EIF3F: variants seen among roughly 807,000 people sequenced by gnomAD.
EIF3F encodes deubiquitinating enzyme eIF3f.
EIF3F carries 8 observed loss-of-function variants against 36.0 expected under a neutral mutation model. The ratio of observed to expected loss-of-function variants is 0.22; its 90% CI spans 0.13 to 0.40. EIF3F has a LOEUF of 0.40. Among genes scored for constraint, EIF3F ranks in the 10% least tolerant of loss-of-function variants. EIF3F has a pLI of 1.00. For missense variants in EIF3F, 430 were observed against 467.6 expected, an observed-to-expected ratio of 0.92 and a Z score of 0.74; for synonymous variants, 184 against 188.5, an observed-to-expected ratio of 0.98 and a Z score of 0.19.
At chr11:7,987,991 G>T in intron 1 of EIF3F, 1 of 356,274 alleles carries the variant, frequency 2.8e-6, no homozygotes. Flanking sequence ...TTTTATGCCA[G>T]TGGTTTACAT....
intron 1 of EIF3F, 181 bp downstream of exon 1, chr11:7,987,897 C>G: frequency 1.1e-6 from 1 of 887,452 alleles, no homozygotes; most frequent in Non-Finnish European, 1.5e-6. Flanking sequence ...CAAGCACTTG[C>G]ATCTCTCCTC....
intron 1 of EIF3F, 53 bp downstream of exon 1, chr11:7,987,769 T>C: frequency 6.9e-7 from 1 of 1,441,348 alleles, no homozygotes; most frequent in Non-Finnish European, 9.1e-7. Context: ...TTCTCATTTA[T>C]CTCACTCCCC....
chr11:7,987,877 C>T (rs1276893298), intron 1 of EIF3F, 161 bp downstream of exon 1: 7 of 1,099,064 alleles, frequency 6.4e-6, no homozygotes, highest in South Asian at 3.0e-5. Flanking sequence ...TTTGCTGTGA[C>T]TTATCTTCTC....
chr11:7,989,442 C>T (rs1942065740), intron 1 of EIF3F, among the ~76,000 whole-genome samples: 1 of 152,138 alleles, frequency 6.6e-6, no homozygotes, highest in Non-Finnish European at 1.5e-5. Context: ...GTTATAGAGG[C>T]AATACTTACA....
In EIF3F at chr11:8,000,466, C is replaced by T. The variant is rs896589189; in HGVS notation, c.*4444C>T. ...TTCAGTTAAACAGGAGTAGTACGTTCCGGAGACCTGTTGTGCAGCAGGGTG... is the reference window on the plus strand; with the variant it reads ...TTCAGTTAAACAGGAGTAGTACGTTTCGGAGACCTGTTGTGCAGCAGGGTG... On this transcript the variant is annotated 3_prime_UTR_variant, in exon 8 of 8. Coordinates refer to ENST00000651655, the MANE Select transcript of EIF3F (RefSeq NM_003754.3). 5 of 152,054 alleles carry T rather than the reference C, an allele frequency of 3.3e-5. No homozygotes were observed. Among genetic ancestry groups the T allele is most frequent in the South Asian group, 2.1e-4 (1 of 4,820 alleles). The allele number at this position is 152,054 out of a possible 1,614,324, so 9.4% of individuals were successfully genotyped here. A position where few individuals can be genotyped will look rare whatever the true frequency, so the allele number is the denominator to read the frequency against.
chr11:7,991,913 C>T (rs1435698499), intron 2 of EIF3F, 62 bp downstream of exon 2: 1 of 1,582,410 alleles, frequency 6.3e-7, no homozygotes, highest in East Asian at 2.2e-5. Flanking sequence ...CGGCTCCCCT[C>T]ACGGTCCCTC....
chr11:7,995,035 A>C lies in EIF3F; in HGVS notation c.799A>C (p.Ser267Arg). Residue 267 changes from serine (S) to arginine (R), a missense_variant, in exon 6 of 8, where the codon AGT becomes CGT. This residue lies in a region of EIF3F where 262 missense variants were observed against 347.4 expected (regional missense o/e 0.75). Transcript: ENST00000651655. ...FSPNRVIGLS[S>R]DLQQVGGASA... ...CCCCAACAGAGTGATTGGACTCTCA[A>C]GTGACTTGCAGCAAGTAGGAGGGGC... 1 of 1,613,932 alleles carries C rather than the reference A, an allele frequency of 6.2e-7. No homozygotes were observed. Among genetic ancestry groups the C allele is most frequent in the Non-Finnish European group, 8.5e-7 (1 of 1,179,886 alleles).
chr11:7,995,144 G>T (rs202081105), intron 6 of EIF3F, 26 bp downstream of exon 6: 4 of 1,612,392 alleles, frequency 2.5e-6, no homozygotes, highest in East Asian at 2.2e-5. Context: ...AAAAACAAAG[G>T]GGGAGGACAT....
chr11:7,992,365 A>G (rs748365411), intron 3 of EIF3F: 26 of 597,416 alleles, frequency 4.4e-5, no homozygotes, highest in Non-Finnish European at 7.0e-5. Flanking sequence ...CCAGTAGTTC[A>G]AGATCAGCCT....
chr11:7,991,692 AAGAGAT>A, intron 1 of EIF3F, 83 bp from the exon 2 acceptor site: 1 of 1,255,272 alleles, frequency 8.0e-7, no homozygotes, highest in Non-Finnish European at 1.2e-6. Flanking sequence ...ATTGACATTG[AAGAGAT>A]CATCAAAAGC....
chr11:7,994,113 A>G lies in EIF3F; in HGVS notation c.654-313A>G, dbSNP rs904821487. Among the ~76,000 whole-genome samples the G allele has an allele frequency of 3.3e-5, 5 of 152,262 alleles. No homozygotes were observed. In the East Asian group the frequency reaches 9.7e-4, roughly 29 times the overall value. On this transcript the variant is annotated intron_variant, in intron 4 of 7. Coordinates refer to ENST00000651655, the MANE Select transcript of EIF3F (RefSeq NM_003754.3). ...TCCTTTCCATGGTAGGTAGCTGTCT[A>G]GACAGCCAGCTCTACGGGGTAATTG...
rs1187164117 is a variant in EIF3F at position 8,000,723 on chromosome 11, A to T, written c.*4701A>T. ...AGCAAGTAAAGATAGATTACTTAAGAGCGAATGAGTGGTAATTTGGAAACA... is the reference window on the plus strand; with the variant it reads ...AGCAAGTAAAGATAGATTACTTAAGTGCGAATGAGTGGTAATTTGGAAACA... On this transcript the variant is annotated 3_prime_UTR_variant, in exon 8 of 8. Transcript: ENST00000651655. 1 of 152,188 alleles carries T rather than the reference A, an allele frequency of 6.6e-6. No homozygotes were observed. Among genetic ancestry groups the T allele is most frequent in the Non-Finnish European group, 1.5e-5 (1 of 68,030 alleles). 9.4% of individuals were successfully genotyped at this position (152,188 alleles called of 1,614,324 possible). A position where few individuals can be genotyped will look rare whatever the true frequency, so the allele number is the denominator to read the frequency against.
In EIF3F at chr11:7,999,644, A is replaced by G. The variant is rs1258714460; in HGVS notation, c.*3622A>G. On this transcript the variant is annotated 3_prime_UTR_variant, in exon 8 of 8. Coordinates refer to ENST00000651655, the MANE Select transcript of EIF3F (RefSeq NM_003754.3). ...CTGGTCCATAAAAGAACATAAAACCAAATAGTTCAGTAGACTCAAAATGCA... is the reference window on the plus strand; with the variant it reads ...CTGGTCCATAAAAGAACATAAAACCGAATAGTTCAGTAGACTCAAAATGCA... 2 of 151,920 alleles carry G rather than the reference A, an allele frequency of 1.3e-5. No individual in the cohort carries two copies. The allele number at this position is 151,920 out of a possible 1,614,324, so 9.4% of individuals were successfully genotyped here.
chr11:7,993,429 A>T (rs1052688172), intron 4 of EIF3F, among the ~76,000 whole-genome samples: 1 of 152,214 alleles, frequency 6.6e-6, no homozygotes, highest in Non-Finnish European at 1.5e-5. Flanking sequence ...GGTAATACAG[A>T]TTATAAGGAT....
Position 7,997,985 on chromosome 11 carries a change from T to C in EIF3F, c.*1963T>C, listed in dbSNP as rs1022763682. 4.6e-5 allele frequency: 7 copies of C among 152,252 alleles called. No individual in the cohort carries two copies. The highest frequency in any genetic ancestry group is 1.7e-4 in the African/African-American group (7 of 41,474). 9.4% of individuals were successfully genotyped at this position (152,252 alleles called of 1,614,324 possible). A position where few individuals can be genotyped will look rare whatever the true frequency, so the allele number is the denominator to read the frequency against. Reference sequence around the variant, plus strand: ...AGTATATGAGAAGGTATGCACAGGTTATATCCAAATACTTCATATTAGGGA... The same window carrying C: ...AGTATATGAGAAGGTATGCACAGGTCATATCCAAATACTTCATATTAGGGA... On this transcript the variant is annotated 3_prime_UTR_variant, in exon 8 of 8. Coordinates refer to ENST00000651655, the MANE Select transcript of EIF3F (RefSeq NM_003754.3).
intron 1 of EIF3F, 112 bp downstream of exon 1, chr11:7,987,828 A>G (rs1942045379): frequency 7.4e-7 from 1 of 1,358,072 alleles, no homozygotes; most frequent in Admixed American, 3.6e-5. Flanking sequence ...CTTTCCTCCC[A>G]TCCCCAATGA....
chr11:7,996,254 G>GGTAGA lies in EIF3F; in HGVS notation c.*234_*238dup. ...CAGAAACTAGGAAGTGAATATTGTA[G>GGTAGA]GTAGAGAAGTTGGTTATGTGTTTGG... is the stretch of plus-strand genomic sequence containing the variant. On this transcript the variant is annotated 3_prime_UTR_variant, in exon 8 of 8. Coordinates refer to ENST00000651655, the MANE Select transcript of EIF3F (RefSeq NM_003754.3). The GGTAGA allele has an allele frequency of 6.6e-6, 3 of 452,172 alleles. No homozygotes were observed. The South Asian group carries it at 1.1e-4, about 17-fold the overall frequency. 28.0% of individuals were successfully genotyped at this position (452,172 alleles called of 1,614,324 possible).
At chr11:7,989,130 C>T (rs77346663) in intron 1 of EIF3F, among the ~76,000 whole-genome samples, 6,385 of 152,252 alleles carry the variant, frequency 0.042, 440 homozygotes, top group African/African-American at 0.14. Context: ...ATCCCATACC[C>T]GGACCCTCAC....
At position 7,996,369 on chromosome 11, in the gene EIF3F, ATT is replaced by A; in HGVS notation, c.*349_*350del. On this transcript the variant is annotated 3_prime_UTR_variant, in exon 8 of 8. Transcript: ENST00000651655. ...CAACCTTTTCTTGAGGATTCATGTG[ATT>A]TCTACAGGAAATGAAAATAAGAATC... 5.1e-6 allele frequency: 1 copy of A among 194,646 alleles called. No individual in the cohort carries two copies. The highest frequency in any genetic ancestry group is 1.2e-4 in the South Asian group (1 of 8,106). The allele number at this position is 194,646 out of a possible 1,614,324, so 12.1% of individuals were successfully genotyped here.
Sources: gnomAD v4.1 joint callset for allele counts (sites outside exome capture counted in the v4.1 genomes callset) on GRCh38, gnomAD v4.1.1 for gene constraint, gnomAD v4.1.1 regional missense constraint, MANE v1.5 for transcripts, NCBI Gene and HGNC (gene_info 2026-07-23, HGNC 2026-07-21) for gene names.